Variants in LRRC4C observed in about 807,000 individuals in gnomAD.
The protein encoded by LRRC4C is leucine-rich repeat-containing protein 4C.
In LRRC4C, 5 loss-of-function variants were observed where a neutral mutation model predicts 33.6. The ratio of observed to expected loss-of-function variants is 0.15; its 90% CI spans 0.08 to 0.31. LRRC4C has a LOEUF of 0.31. LRRC4C is among the 10% of genes least tolerant of loss of function. LRRC4C has a pLI of 1.00. For synonymous variants in LRRC4C, 329 were observed against 302.0 expected (o/e 1.09, Z -0.93); for missense variants, 560 against 796.7 (o/e 0.70, Z 3.58).
chr11:40,898,353 C>CAAAAAAAAAAAAAAAAAA lies in LRRC4C; in HGVS notation c.-407+35264_-407+35281dup, dbSNP rs765252333. ...GGGCAACAAGAGTGAAACTCCATCT[C>CAAAAAAAAAAAAAAAAAA]AAAAAAAAAAAAAAAAAAAGAAAAA... is the stretch of plus-strand genomic sequence containing the variant. On this transcript the variant is annotated intron_variant, in intron 2 of 6. Coordinates refer to ENST00000528697, the MANE Select transcript of LRRC4C (RefSeq NM_001258419.2). Among the ~76,000 whole-genome samples the CAAAAAAAAAAAAAAAAAA allele has an allele frequency of 3.4e-3, 129 of 38,296 alleles. 16 individuals carry two copies. The highest frequency in any genetic ancestry group is 9.9e-3 in the African/African-American group (95 of 9,576). 25.1% of individuals were successfully genotyped at this position (38,296 alleles called of 152,430 possible).
intron 1 of LRRC4C, among the ~76,000 whole-genome samples, chr11:41,151,063 G>A (rs554854332): frequency 1.4e-4 from 21 of 151,474 alleles, no homozygotes; most frequent in African/African-American, 3.9e-4. Flanking sequence ...ATACAACTTC[G>A]CAGTTTTTTT....
intron 3 of LRRC4C, among the ~76,000 whole-genome samples, chr11:40,374,058 A>C (rs924771111): frequency 2.0e-5 from 3 of 152,198 alleles, no homozygotes; most frequent in African/African-American, 7.2e-5. Flanking sequence ...TCCCTTAACA[A>C]GACTATTAAG....
chr11:41,306,342 T>G (rs1950505199), intron 1 of LRRC4C, among the ~76,000 whole-genome samples: 1 of 152,234 alleles, frequency 6.6e-6, no homozygotes, highest in South Asian at 2.1e-4. Context: ...ATACAGTTAA[T>G]GCTGTAATAC....
At chr11:40,548,239 G>T (rs1957002798) in intron 3 of LRRC4C, among the ~76,000 whole-genome samples, 1 of 151,974 alleles carries the variant, frequency 6.6e-6, no homozygotes, top group Admixed American at 6.6e-5. Context: ...AATGTATGTT[G>T]GTATCCTGAC....
chr11:40,400,327 A>C (rs573545556), intron 3 of LRRC4C, among the ~76,000 whole-genome samples: 11 of 152,206 alleles, frequency 7.2e-5, no homozygotes, highest in Admixed American at 2.0e-4. Context: ...TATTTCCTAA[A>C]AATTATTTCA....
intron 1 of LRRC4C, among the ~76,000 whole-genome samples, chr11:41,170,918 A>ATC (rs1009358695): frequency 4.6e-5 from 7 of 152,188 alleles, no homozygotes; most frequent in African/African-American, 1.2e-4. Flanking sequence ...GAAAAAACAA[A>ATC]CAACCCCATC....
At chr11:40,176,134 T>C (rs1474377633) in intron 5 of LRRC4C, among the ~76,000 whole-genome samples, 5 of 152,074 alleles carry the variant, frequency 3.3e-5, no homozygotes, top group Non-Finnish European at 7.4e-5. Flanking sequence ...TGGAGGAGGA[T>C]GGGGGTGATA....
intron 1 of LRRC4C, among the ~76,000 whole-genome samples, chr11:41,152,878 C>T (rs543897138): frequency 1.3e-5 from 2 of 152,244 alleles, no homozygotes; most frequent in African/African-American, 4.8e-5. Flanking sequence ...CTGATCTCAA[C>T]AAGCTCATAC....
chr11:41,300,364 T>C lies in LRRC4C; in HGVS notation c.-496+159067A>G, dbSNP rs12273192. Among the ~76,000 whole-genome samples the C allele has an allele frequency of 3.3e-5, 5 of 152,116 alleles. No homozygotes were observed. In the South Asian group the frequency reaches 1.0e-3, roughly 32 times the overall value. On this transcript the variant is annotated intron_variant, in intron 1 of 6. Transcript: ENST00000528697. The stretch of plus-strand genomic sequence containing the variant: ...TTAGGCTTCTATTAGTTTATTTGAC[T>C]TCCTTTCCTGGGCCTACTGTGTTTT...
chr11:41,244,981 C>A (rs1381430669), intron 1 of LRRC4C, among the ~76,000 whole-genome samples: 1 of 152,136 alleles, frequency 6.6e-6, no homozygotes, highest in Non-Finnish European at 1.5e-5. Context: ...ATAGTAGAAA[C>A]AAGGTGTGGT....
intron 3 of LRRC4C, among the ~76,000 whole-genome samples, chr11:40,452,187 C>A (rs557953428): frequency 4.0e-5 from 6 of 151,528 alleles, no homozygotes; most frequent in African/African-American, 1.5e-4. Context: ...AATGGGATCT[C>A]ATTAAACTAA....
At chr11:41,056,311 A>C (rs765118146) in intron 1 of LRRC4C, among the ~76,000 whole-genome samples, 1 of 152,180 alleles carries the variant, frequency 6.6e-6, no homozygotes, top group Non-Finnish European at 1.5e-5. Flanking sequence ...AAACCCTTGA[A>C]AAGTAACAAT....
At chr11:41,389,276 A>T (rs1233330892) in intron 1 of LRRC4C, among the ~76,000 whole-genome samples, 1 of 151,810 alleles carries the variant, frequency 6.6e-6, no homozygotes, top group Non-Finnish European at 1.5e-5. Context: ...ACCCTAATTG[A>T]CAAATAAGAA....
intron 2 of LRRC4C, among the ~76,000 whole-genome samples, chr11:40,854,705 T>G (rs1953690742): frequency 6.6e-6 from 1 of 151,242 alleles, no homozygotes; most frequent in Non-Finnish European, 1.5e-5. Context: ...CACAAATATA[T>G]TTAAAGTGTA....
intron 1 of LRRC4C, among the ~76,000 whole-genome samples, chr11:41,433,135 C>A (rs1955301098): frequency 6.6e-6 from 1 of 152,050 alleles, no homozygotes; most frequent in African/African-American, 2.4e-5. Flanking sequence ...CAAATACAAA[C>A]TTTCAGAAAA....
chr11:41,223,862 G>T (rs921477393), intron 1 of LRRC4C, among the ~76,000 whole-genome samples: 1 of 152,176 alleles, frequency 6.6e-6, no homozygotes, highest in Admixed American at 6.5e-5. Flanking sequence ...TGCCATACAC[G>T]TAGTTGATGG....
intron 2 of LRRC4C, among the ~76,000 whole-genome samples, chr11:40,758,516 T>A (rs1358823132): frequency 6.6e-6 from 1 of 152,046 alleles, no homozygotes; most frequent in Non-Finnish European, 1.5e-5. Context: ...GTTTTGTTGA[T>A]TTGTTTCCGG....
intron 1 of LRRC4C, among the ~76,000 whole-genome samples, chr11:41,361,290 T>C (rs1158991014): frequency 6.6e-6 from 1 of 152,228 alleles, no homozygotes; most frequent in African/African-American, 2.4e-5. Context: ...GAAAAATATG[T>C]CAAATCCAGA....
intron 2 of LRRC4C, among the ~76,000 whole-genome samples, chr11:40,902,005 C>CAT (rs1281213870): frequency 1.3e-5 from 1 of 74,612 alleles, no homozygotes; most frequent in Non-Finnish European, 2.3e-5. Flanking sequence ...TCTCTACACA[C>CAT]ACACACACAC....
Sources: gnomAD v4.1 joint callset for allele counts (sites outside exome capture counted in the v4.1 genomes callset) on GRCh38, gnomAD v4.1.1 for gene constraint, MANE v1.5 for transcripts, NCBI Gene and HGNC (gene_info 2026-07-23, HGNC 2026-07-21) for gene names.